Variants in LRP1B observed in about 807,000 individuals in gnomAD.
LRP1B encodes low-density lipoprotein receptor-related protein 1B.
LRP1B carries 217 observed loss-of-function variants against 556.6 expected under a neutral mutation model. The observed-to-expected ratio is 0.39, with a 90% confidence interval of 0.35 to 0.44. LRP1B has a LOEUF of 0.44. LRP1B is among the 20% of genes least tolerant of loss of function. The probability of loss-of-function intolerance (pLI) is 1.00; values close to 1 mark genes in which losing one functional copy is unlikely to be tolerated. For synonymous variants in LRP1B, 2,047 were observed against 1,865.8 expected (o/e 1.10, Z -2.50); for missense variants, 5,053 against 5,620.8 (o/e 0.90, Z 3.23).
At position 142,115,489 on chromosome 2, in the gene LRP1B, AAT is replaced by A. The variant is rs1211283391; in HGVS notation, c.82+15157_82+15158del. Among the ~76,000 whole-genome samples, 28 of 72,872 alleles carry A rather than the reference AAT, an allele frequency of 3.8e-4. 5 individuals carry two copies. The East Asian group carries it at 8.7e-3, about 23-fold the overall frequency. The allele number at this position is 72,872 out of a possible 152,430, so 47.8% of individuals were successfully genotyped here. On this transcript the variant is annotated intron_variant, in intron 1 of 90. Transcript: ENST00000389484. ...TATATATTACATACATATAATATAT[AAT>A]TATATATAATATATATTATATATTA...
intron 1 of LRP1B, among the ~76,000 whole-genome samples, chr2:141,899,090 A>G (rs1367286264): frequency 6.6e-6 from 1 of 152,128 alleles, no homozygotes; most frequent in Non-Finnish European, 1.5e-5. Context: ...TCTCAACAAT[A>G]TTGATGCTAA....
chr2:140,859,301 T>C (rs1460210144), intron 27 of LRP1B, among the ~76,000 whole-genome samples: 1 of 152,166 alleles, frequency 6.6e-6, no homozygotes, highest in Non-Finnish European at 1.5e-5. Flanking sequence ...AAAATATTAA[T>C]AGTCCTATAT....
intron 3 of LRP1B, among the ~76,000 whole-genome samples, chr2:141,346,374 C>T (rs1688259586): frequency 6.6e-6 from 1 of 152,278 alleles, no homozygotes; most frequent in East Asian, 1.9e-4. Flanking sequence ...GAACACTTCA[C>T]TGAGAGAAAT....
intron 41 of LRP1B, among the ~76,000 whole-genome samples, chr2:140,676,760 C>G (rs1033130686): frequency 6.6e-6 from 1 of 152,094 alleles, no homozygotes; most frequent in African/African-American, 2.4e-5. Context: ...ATGACTTACT[C>G]CCTTGTATTA....
At chr2:141,528,634 T>C (rs1284583814) in intron 2 of LRP1B, among the ~76,000 whole-genome samples, 2 of 152,148 alleles carry the variant, frequency 1.3e-5, no homozygotes, top group African/African-American at 2.4e-5. Context: ...GATTTGAGTA[T>C]ACACAATTTG....
intron 2 of LRP1B, among the ~76,000 whole-genome samples, chr2:141,606,304 G>C (rs1374246410): frequency 6.6e-6 from 1 of 152,150 alleles, no homozygotes; most frequent in Non-Finnish European, 1.5e-5. Context: ...AGGTAAAAAT[G>C]TATGCAGGTA....
chr2:141,790,169 T>A (rs747327182), intron 2 of LRP1B, among the ~76,000 whole-genome samples: 21 of 152,086 alleles, frequency 1.4e-4, no homozygotes, highest in Non-Finnish European at 2.6e-4. Context: ...AGATAAACTT[T>A]GCAATTTATC....
At chr2:141,804,717 G>T (rs1202410306) in intron 2 of LRP1B, among the ~76,000 whole-genome samples, 6 of 151,934 alleles carry the variant, frequency 3.9e-5, no homozygotes, top group Non-Finnish European at 8.8e-5. Context: ...GAAGGCAGAT[G>T]GGGTATAGAG....
intron 75 of LRP1B, among the ~76,000 whole-genome samples, chr2:140,355,666 G>T (rs1682176734): frequency 6.6e-6 from 1 of 151,888 alleles, no homozygotes; most frequent in Admixed American, 6.6e-5. Context: ...TTTAGGTTTG[G>T]CTGTACTTAC....
At chr2:141,858,046 G>A (rs745535378) in intron 1 of LRP1B, among the ~76,000 whole-genome samples, 1 of 152,082 alleles carries the variant, frequency 6.6e-6, no homozygotes, top group African/African-American at 2.4e-5. Context: ...AGTTAAAAAT[G>A]ATCCAAGTAG....
chr2:141,761,824 C>T (rs994140143), intron 2 of LRP1B, among the ~76,000 whole-genome samples: 3 of 152,136 alleles, frequency 2.0e-5, no homozygotes, highest in Non-Finnish European at 4.4e-5. Flanking sequence ...TGAACTACCT[C>T]AAGCTAGTAG....
chr2:140,709,480 AGAGGAG>A (rs548380469), intron 37 of LRP1B, among the ~76,000 whole-genome samples: 4 of 151,106 alleles, frequency 2.6e-5, no homozygotes, highest in Non-Finnish European at 4.4e-5. Flanking sequence ...AGGAAGAGGA[AGAGGAG>A]GAGGAGGAGG....
chr2:140,809,028 T>C (rs1690825937), intron 32 of LRP1B, among the ~76,000 whole-genome samples: 1 of 152,078 alleles, frequency 6.6e-6, no homozygotes, highest in African/African-American at 2.4e-5. Context: ...TTGGCTGCCT[T>C]AATTCCATCC....
chr2:141,962,218 T>C (rs1210343143), intron 1 of LRP1B, among the ~76,000 whole-genome samples: 1 of 151,600 alleles, frequency 6.6e-6, no homozygotes, highest in East Asian at 2.0e-4. Flanking sequence ...TTCATCTATC[T>C]TCATTCATCA....
At chr2:140,327,378 T>C (rs1680543671) in intron 79 of LRP1B, among the ~76,000 whole-genome samples, 1 of 152,164 alleles carries the variant, frequency 6.6e-6, no homozygotes, top group African/African-American at 2.4e-5. Flanking sequence ...AGATGTATCA[T>C]GCCTGACCAG....
At chr2:140,360,260 T>G (rs2105141410) in intron 72 of LRP1B, among the ~76,000 whole-genome samples, 1 of 151,666 alleles carries the variant, frequency 6.6e-6, no homozygotes, top group East Asian at 1.9e-4. Context: ...ATTTGAGCAA[T>G]ATTGCTTTAT....
At chr2:140,297,465 C>T (rs1217184912) in intron 84 of LRP1B, among the ~76,000 whole-genome samples, 4 of 151,856 alleles carry the variant, frequency 2.6e-5, no homozygotes, top group East Asian at 1.9e-4. Context: ...CAGTTGCATT[C>T]GCCTATGGGA....
rs556028314 is a variant in LRP1B, at chr2:141,483,725, G to T, written c.206-3192C>A. Among the ~76,000 whole-genome samples, 3 of 151,796 alleles carry T rather than the reference G, an allele frequency of 2.0e-5. No individual in the cohort carries two copies. In the East Asian group the frequency reaches 5.8e-4, roughly 29 times the overall value. ...TCTCTGATGGCCAGTGATGATGAGC[G>T]TTTTTTCATGTGTTTTTTGGCTGCA... On this transcript the variant is annotated intron_variant, in intron 2 of 90. Transcript: ENST00000389484.
intron 21 of LRP1B, among the ~76,000 whole-genome samples, chr2:140,912,687 C>T (rs1404606236): frequency 6.6e-6 from 1 of 151,404 alleles, no homozygotes; most frequent in African/African-American, 2.4e-5. Flanking sequence ...TGGTTTTGTC[C>T]TTTGAGAAAA....
Sources: allele counts gnomAD v4.1 joint callset (sites outside exome capture counted in the v4.1 genomes callset), GRCh38; gene constraint gnomAD v4.1.1; transcripts MANE v1.5; gene names NCBI Gene and HGNC (gene_info 2026-07-23, HGNC 2026-07-21).